Variants in TMPRSS2 observed in about 807,000 individuals in gnomAD.
The protein encoded by TMPRSS2 is transmembrane protease serine 2.
TMPRSS2 carries 59 observed loss-of-function variants against 67.4 expected under a neutral mutation model. The observed-to-expected ratio is 0.88, with a 90% CI of 0.71 to 1.09. The LOEUF is 1.09. TMPRSS2 is among the 50% of genes least tolerant of loss of function. The probability of loss-of-function intolerance (pLI) is 0.00; values close to 1 mark genes in which losing one functional copy is unlikely to be tolerated. For missense variants in TMPRSS2, 668 were observed against 642.7 expected (o/e 1.04, Z -0.43); for synonymous variants, 257 against 257.0 (o/e 1.00, Z 0.00).
intron 10 of TMPRSS2, among the ~76,000 whole-genome samples, chr21:41,471,311 T>C (rs1218020768): frequency 1.3e-5 from 2 of 152,256 alleles, no homozygotes; most frequent in South Asian, 2.1e-4. Flanking sequence ...TTTTAGAATG[T>C]ATCTTTAAAA....
At chr21:41,486,302 CT>C (rs534648425) in intron 5 of TMPRSS2, among the ~76,000 whole-genome samples, 153 of 152,038 alleles carry the variant, frequency 1.0e-3, no homozygotes, top group African/African-American at 3.3e-3. Flanking sequence ...TGGGAAATAA[CT>C]TTTTTTTGTT....
At chr21:41,476,166 G>A (rs1262916679) in intron 8 of TMPRSS2, among the ~76,000 whole-genome samples, 3 of 152,210 alleles carry the variant, frequency 2.0e-5, no homozygotes, top group Non-Finnish European at 2.9e-5. Context: ...CCCACTGGCT[G>A]ATGAGCACCT....
intron 10 of TMPRSS2, 117 bp downstream of exon 10, chr21:41,471,689 G>T: frequency 8.9e-6 from 11 of 1,235,444 alleles, no homozygotes; most frequent in Non-Finnish European, 1.2e-5. Flanking sequence ...CCCGCTGCAC[G>T]CTACCCTCGC....
chr21:41,470,451 A>C (rs1569009733), intron 11 of TMPRSS2, among the ~76,000 whole-genome samples, 197 bp downstream of exon 11: 1 of 152,222 alleles, frequency 6.6e-6, no homozygotes, highest in African/African-American at 2.4e-5. Context: ...CGATAAGAAC[A>C]CAGTGTATTA....
At chr21:41,483,648 G>C (rs2091274177) in intron 5 of TMPRSS2, among the ~76,000 whole-genome samples, 1 of 152,010 alleles carries the variant, frequency 6.6e-6, no homozygotes. Context: ...CTCAAAGGGA[G>C]ACACTTCATT....
chr21:41,494,836 C>T (rs1334983333), intron 2 of TMPRSS2: 5 of 457,410 alleles, frequency 1.1e-5, no homozygotes, highest in East Asian at 4.7e-5. Context: ...TTTGGGAGGC[C>T]GAGGCGGGCG....
chr21:41,498,572 C>G (rs2091402395), intron 1 of TMPRSS2, among the ~76,000 whole-genome samples: 1 of 152,228 alleles, frequency 6.6e-6, no homozygotes, highest in Non-Finnish European at 1.5e-5. Context: ...ACCCACAACT[C>G]CAGTGCCACT....
intron 1 of TMPRSS2, among the ~76,000 whole-genome samples, chr21:41,507,206 C>A (rs1333120872): frequency 1.3e-5 from 2 of 152,226 alleles, no homozygotes; most frequent in African/African-American, 4.8e-5. Flanking sequence ...GAGCAGAGCG[C>A]CCACTGCCAG....
At chr21:41,469,795 G>A (rs747258221) in intron 11 of TMPRSS2, among the ~76,000 whole-genome samples, 1 of 152,140 alleles carries the variant, frequency 6.6e-6, no homozygotes, top group Admixed American at 6.5e-5. Context: ...AGAGACATTT[G>A]TCTTACTCTG....
At chr21:41,481,992 T>A (rs2091260636) in intron 5 of TMPRSS2, among the ~76,000 whole-genome samples, 1 of 151,690 alleles carries the variant, frequency 6.6e-6, no homozygotes, top group African/African-American at 2.4e-5. Context: ...ACCCAGGAGG[T>A]AAAGGTTGCA....
chr21:41,479,312 G>T lies in TMPRSS2; in HGVS notation c.573-30C>A, dbSNP rs751618573. ...AAAAGAAAACCTTATTTGTGATAAT[G>T]GTTAAGGCATAAGCAAACACAAATC... is the stretch of plus-strand genomic sequence containing the variant. On this transcript the variant is annotated intron_variant, in intron 6 of 13. Transcript: ENST00000332149. 4.4e-5 allele frequency: 67 copies of T among 1,533,570 alleles called. 2 individuals are homozygous for T. In the South Asian group the frequency reaches 7.3e-4, roughly 17 times the overall value. The allele number at this position is 1,533,570 out of a possible 1,614,324, so 95.0% of individuals were successfully genotyped here.
intron 1 of TMPRSS2, among the ~76,000 whole-genome samples, chr21:41,501,599 A>C (rs2091423948): frequency 8.4e-6 from 1 of 119,658 alleles, no homozygotes; most frequent in African/African-American, 3.3e-5. Flanking sequence ...ACAGAGAGAG[A>C]CTCTGTCTCA....
Position 41,476,584 on chromosome 21 carries a change from G to T in TMPRSS2, c.720C>A (p.Arg240=). 6.2e-7 allele frequency: 1 copy of T among 1,613,242 alleles called. No individual in the cohort carries two copies. Among genetic ancestry groups the T allele is most frequent in the Non-Finnish European group, 8.5e-7 (1 of 1,179,836 alleles). Residue 240 remains arginine, a synonymous_variant, in exon 8 of 14, where the codon CGC becomes CGA. Transcript: ENST00000332149. The part of the protein sequence containing the change: ...ACSSKAVVSL[R]CIACGVNLNS... The stretch of plus-strand genomic sequence containing the variant: ...GACTCCAGATGAACTTACCTATACA[G>T]CGTAAAGAAACCACTGCTTTTGAAG...
In TMPRSS2 at chr21:41,471,845, T is replaced by G; in HGVS notation, c.1036A>C (p.Ile346Leu). 1 of 1,612,654 alleles carries G rather than the reference T, an allele frequency of 6.2e-7. No homozygotes were observed. Reference protein sequence around the residue: ...NYDSKTKNNDIALMKLQKPLT... With the variant: ...NYDSKTKNNDLALMKLQKPLT... ...GGCTTCTGCAGCTTCATCAGCGCAA[T>G]GTCATTGTTCTTGGTCTTGGAGTCA... The change falls in exon 10 of 14, where the codon ATT becomes CTT. Residue 346 changes from isoleucine (I) to leucine (L), a missense_variant. By Grantham distance (5) the Ile-to-Leu change is conservative. Coordinates refer to ENST00000332149, the MANE Select transcript of TMPRSS2 (RefSeq NM_005656.4).
chr21:41,469,174 G>T (rs1170294791), intron 11 of TMPRSS2, among the ~76,000 whole-genome samples: 1 of 151,814 alleles, frequency 6.6e-6, no homozygotes, highest in African/African-American at 2.4e-5. Context: ...GGCACCACCC[G>T]CCACCCTGGG....
intron 1 of TMPRSS2, among the ~76,000 whole-genome samples, chr21:41,503,607 G>A (rs2091437654): frequency 6.6e-6 from 1 of 152,208 alleles, no homozygotes; most frequent in African/African-American, 2.4e-5. Flanking sequence ...ATTTCCAGAA[G>A]AGCAGGCTTG....
intron 1 of TMPRSS2, among the ~76,000 whole-genome samples, chr21:41,501,380 G>A (rs1017031373): frequency 3.9e-5 from 6 of 152,246 alleles, no homozygotes; most frequent in South Asian, 2.1e-4. Flanking sequence ...AGGCCAAGGC[G>A]GGCAGATCAC....
chr21:41,505,147 A>G (rs1457875102), intron 1 of TMPRSS2, among the ~76,000 whole-genome samples: 2 of 152,136 alleles, frequency 1.3e-5, no homozygotes, highest in Non-Finnish European at 2.9e-5. Flanking sequence ...CACTCCATTG[A>G]CCATTCACCT....
At chr21:41,507,306 C>T (rs1003143001) in intron 1 of TMPRSS2, among the ~76,000 whole-genome samples, 1 of 152,104 alleles carries the variant, frequency 6.6e-6, no homozygotes. Flanking sequence ...CCCCGCCTTC[C>T]CCCCAACCCG....
Sources: gnomAD v4.1 joint callset for allele counts (sites outside exome capture counted in the v4.1 genomes callset) on GRCh38, gnomAD v4.1.1 for gene constraint, MANE v1.5 for transcripts, NCBI Gene and HGNC (gene_info 2026-07-23, HGNC 2026-07-21) for gene names.